The following RNF144A variants were observed in gnomAD, a reference collection of about 807,000 sequenced individuals.
The protein encoded by RNF144A is E3 ubiquitin-protein ligase RNF144A.
In RNF144A, 11 loss-of-function variants were observed where a neutral mutation model predicts 38.7. That is an observed-to-expected ratio of 0.28 (90% CI 0.18 to 0.47). The LOEUF is 0.47. RNF144A is among the 20% of genes least tolerant of loss of function. The probability of loss-of-function intolerance (pLI) is 0.99; values close to 1 mark genes in which losing one functional copy is unlikely to be tolerated. For synonymous variants in RNF144A, 149 were observed against 143.9 expected, an observed-to-expected ratio of 1.04 and a Z score of -0.25; for missense variants, 316 against 377.2, an observed-to-expected ratio of 0.84 and a Z score of 1.34.
chr2:6,927,082 C>G (rs1043238449), intron 1 of RNF144A, among the ~76,000 whole-genome samples: 4 of 152,284 alleles, frequency 2.6e-5, no homozygotes, highest in African/African-American at 9.6e-5. Flanking sequence ...CCCTGTTGGT[C>G]CCGTGAGATT....
chr2:7,038,907 G>A (rs1166851345), intron 8 of RNF144A, among the ~76,000 whole-genome samples: 2 of 151,704 alleles, frequency 1.3e-5, no homozygotes, highest in East Asian at 1.9e-4. Flanking sequence ...ATAGATGGAT[G>A]AGAGTGGATG....
At chr2:6,979,401 T>C (rs989803134) in intron 2 of RNF144A, among the ~76,000 whole-genome samples, 1 of 152,186 alleles carries the variant, frequency 6.6e-6, no homozygotes, top group African/African-American at 2.4e-5. Flanking sequence ...AGCACTGGAT[T>C]TATCTCTGCA....
intron 6 of RNF144A, among the ~76,000 whole-genome samples, chr2:7,065,238 A>T (rs1674159332): frequency 1.3e-5 from 2 of 152,254 alleles, no homozygotes; most frequent in South Asian, 4.1e-4. Flanking sequence ...CAACACTGGA[A>T]TCTCTTGGTT....
rs547679573 is a variant in RNF144A, at chr2:6,942,934, A to C, written c.-12+1787A>C. ...GGGAGGCGGAGGTCGCAGTGAGCTG[A>C]GTTCGTGGCATTGCACTCCAGCCTG... On this transcript the variant is annotated intron_variant, in intron 2 of 8. Coordinates refer to ENST00000320892, the MANE Select transcript of RNF144A (RefSeq NM_014746.6). 3.0e-4 allele frequency among the ~76,000 whole-genome samples: 46 copies of C among 152,314 alleles called. 1 individual carries two copies. The highest frequency in any genetic ancestry group is 1.1e-3 in the African/African-American group (46 of 41,578).
At chr2:6,982,629 C>T (rs1209073781) in intron 2 of RNF144A, among the ~76,000 whole-genome samples, 2 of 152,202 alleles carry the variant, frequency 1.3e-5, no homozygotes, top group Non-Finnish European at 1.5e-5. Context: ...TGTCAGAGAA[C>T]GGCTGTGGGG....
chr2:6,963,207 T>C (rs1283154496), intron 2 of RNF144A, among the ~76,000 whole-genome samples: 1 of 151,958 alleles, frequency 6.6e-6, no homozygotes, highest in Non-Finnish European at 1.5e-5. Flanking sequence ...TACCTGAAAA[T>C]GTATGTTTGA....
At chr2:6,954,141 A>C (rs754683519) in intron 2 of RNF144A, among the ~76,000 whole-genome samples, 6 of 152,044 alleles carry the variant, frequency 3.9e-5, no homozygotes, top group Non-Finnish European at 5.9e-5. Context: ...ATTTAATTTT[A>C]CCATTTCTTG....
At chr2:7,072,613 C>T (rs746360711), downstream of RNF144A, among the ~76,000 whole-genome samples, 4 of 152,230 alleles carry the variant, frequency 2.6e-5, no homozygotes, top group Admixed American at 6.5e-5. Flanking sequence ...TCTCACTTAT[C>T]CTGCCACAGA....
intron 8 of RNF144A, among the ~76,000 whole-genome samples, chr2:7,030,658 C>T (rs919195740): frequency 9.2e-5 from 14 of 152,050 alleles, no homozygotes; most frequent in Non-Finnish European, 1.6e-4. Context: ...GGTCAGTGGT[C>T]CCCAACCTTT....
chr2:7,011,830 A>G (rs1430172045), intron 3 of RNF144A, among the ~76,000 whole-genome samples: 1 of 152,196 alleles, frequency 6.6e-6, no homozygotes, highest in Non-Finnish European at 1.5e-5. Flanking sequence ...TGATGGATGC[A>G]AGGTCAGGCG....
chr2:7,019,526 C>T (rs1446519651), intron 5 of RNF144A, among the ~76,000 whole-genome samples: 2 of 152,274 alleles, frequency 1.3e-5, no homozygotes, highest in South Asian at 2.1e-4. Flanking sequence ...AGAAGAGCCC[C>T]GCTGAAAACT....
intron 1 of RNF144A, among the ~76,000 whole-genome samples, chr2:6,939,512 G>A (rs1362725681): frequency 6.6e-6 from 1 of 152,122 alleles, no homozygotes. Context: ...ATGCACTTTT[G>A]CATTCTGTGG....
chr2:6,972,865 CTAACAGTGGGGG>C (rs1668082929), intron 2 of RNF144A, among the ~76,000 whole-genome samples: 1 of 152,178 alleles, frequency 6.6e-6, no homozygotes, highest in Non-Finnish European at 1.5e-5. Context: ...TGCATGCCCT[CTAACAGTGGGGG>C]TAATAGTTAT....
downstream of RNF144A, among the ~76,000 whole-genome samples, chr2:7,071,175 C>T (rs1160083367): frequency 5.3e-5 from 8 of 152,062 alleles, no homozygotes; most frequent in Admixed American, 3.9e-4. Context: ...ACCTCATGTG[C>T]TCCACCCTCC....
At chr2:6,961,187 C>T (rs1667309876) in intron 2 of RNF144A, among the ~76,000 whole-genome samples, 1 of 151,880 alleles carries the variant, frequency 6.6e-6, no homozygotes, top group African/African-American at 2.4e-5. Context: ...GATGTTAAAT[C>T]AGTCCATGGG....
At chr2:7,072,614 C>T (rs1449550086), downstream of RNF144A, among the ~76,000 whole-genome samples, 3 of 152,170 alleles carry the variant, frequency 2.0e-5, no homozygotes, top group East Asian at 3.8e-4. Context: ...CTCACTTATC[C>T]TGCCACAGAA....
At chr2:6,989,444 A>G (rs1669192389) in intron 2 of RNF144A, among the ~76,000 whole-genome samples, 2 of 152,226 alleles carry the variant, frequency 1.3e-5, no homozygotes, top group Non-Finnish European at 2.9e-5. Context: ...CACCTGGAGA[A>G]TAGTGCTTAT....
At chr2:6,991,034 G>A (rs537208968) in intron 2 of RNF144A, among the ~76,000 whole-genome samples, 9 of 152,104 alleles carry the variant, frequency 5.9e-5, no homozygotes, top group South Asian at 2.1e-4. Flanking sequence ...TTTCAGTGCC[G>A]AATAATATTC....
At chr2:6,989,492 C>T (rs929614940) in intron 2 of RNF144A, among the ~76,000 whole-genome samples, 25 of 152,176 alleles carry the variant, frequency 1.6e-4, no homozygotes, top group Non-Finnish European at 2.5e-4. Flanking sequence ...GGCCCATTCC[C>T]GAAATCATTC....
Sources: allele counts gnomAD v4.1 joint callset (sites outside exome capture counted in the v4.1 genomes callset), GRCh38; gene constraint gnomAD v4.1.1; transcripts MANE v1.5; gene names NCBI Gene and HGNC (gene_info 2026-07-23, HGNC 2026-07-21).